MTHFSD: variants seen among roughly 807,000 people sequenced by gnomAD.
MTHFSD encodes the protein methenyltetrahydrofolate synthase domain-containing protein.
In MTHFSD, 37 loss-of-function variants were observed where a neutral mutation model predicts 31.1. That is an observed-to-expected ratio of 1.19 (90% CI 0.91 to 1.56). MTHFSD has a LOEUF of 1.56. MTHFSD is among the 40% of genes most tolerant of loss of function. The pLI is 0.00. For synonymous variants in MTHFSD, 221 were observed against 206.9 expected, an observed-to-expected ratio of 1.07 and a Z score of -0.59; for missense variants, 664 against 510.1, an observed-to-expected ratio of 1.30 and a Z score of -2.91.
intron 7 of MTHFSD, among the ~76,000 whole-genome samples, chr16:86,538,529 G>C (rs957255593): frequency 1.3e-5 from 2 of 152,234 alleles, no homozygotes; most frequent in South Asian, 4.1e-4. Context: ...GCACTGGTCA[G>C]TGGCCAGGGC....
In MTHFSD at chr16:86,535,498, T is replaced by C. The variant is rs982082092; in HGVS notation, c.682-3017A>G. ...TTTCCTGGCTGGCAATGAGGAATAGTTGTTACATTCTGTCAATCTGGCATG... is the reference window on the plus strand; with the variant it reads ...TTTCCTGGCTGGCAATGAGGAATAGCTGTTACATTCTGTCAATCTGGCATG... On this transcript the variant is annotated intron_variant, in intron 7 of 7. Transcript: ENST00000360900. The C allele has an allele frequency of 3.0e-6, 3 of 985,288 alleles. No individual in the cohort carries two copies. In the East Asian group the frequency reaches 3.4e-4, roughly 112 times the overall value. The allele number at this position is 985,288 out of a possible 1,614,324, so 61.0% of individuals were successfully genotyped here. A position where few individuals can be genotyped will look rare whatever the true frequency, so the allele number is the denominator to read the frequency against.
chr16:86,543,061 T>G (rs936802377), intron 5 of MTHFSD, among the ~76,000 whole-genome samples: 7 of 152,162 alleles, frequency 4.6e-5, no homozygotes, highest in Non-Finnish European at 7.4e-5. Context: ...CAACTGTGCA[T>G]GCAGAGAAAC....
In MTHFSD at chr16:86,531,477, C is replaced by G. The variant is rs1161564927; in HGVS notation, c.*534G>C. ...GGACTGATCTGAGCTGCAGTGAGCA[C>G]TTTTTACCCAGGGGCTGAGCTTCCT... On this transcript the variant is annotated 3_prime_UTR_variant, in exon 8 of 8. Coordinates refer to ENST00000360900, the MANE Select transcript of MTHFSD (RefSeq NM_001159377.2). The surrounding 1 kb of genome is among the most constrained non-coding windows in gnomAD (Gnocchi z 5.5). 6.6e-6 allele frequency: 1 copy of G among 152,256 alleles called. No individual in the cohort carries two copies. Among genetic ancestry groups the G allele is most frequent in the African/African-American group, 2.4e-5 (1 of 41,440 alleles). The allele number at this position is 152,256 out of a possible 1,614,324, so 9.4% of individuals were successfully genotyped here. A position where few individuals can be genotyped will look rare whatever the true frequency, so the allele number is the denominator to read the frequency against.
intron 4 of MTHFSD, 41 bp from the exon 5 acceptor site, chr16:86,546,690 T>C (rs762148950): frequency 2.6e-6 from 4 of 1,512,836 alleles, no homozygotes; most frequent in Non-Finnish European, 3.7e-6. Flanking sequence ...CAACTCCAGC[T>C]GCTTCCTCAT....
At chr16:86,540,378 G>C (rs1363120040) in intron 7 of MTHFSD, among the ~76,000 whole-genome samples, 1 of 152,192 alleles carries the variant, frequency 6.6e-6, no homozygotes, top group South Asian at 2.1e-4. Flanking sequence ...TTGCTTTTCT[G>C]TAGGAGGATA....
chr16:86,549,351 G>A (rs545244888), intron 3 of MTHFSD, among the ~76,000 whole-genome samples: 2 of 152,366 alleles, frequency 1.3e-5, no homozygotes, highest in East Asian at 3.9e-4. Flanking sequence ...TAAGATCTGT[G>A]AAATCTTTCA....
At chr16:86,547,390 G>A in intron 4 of MTHFSD, 3 of 985,712 alleles carry the variant, frequency 3.0e-6, no homozygotes, top group South Asian at 4.7e-5. Flanking sequence ...CTGATCATTC[G>A]ATGTGGCGGT....
chr16:86,554,532 A>C, intron 2 of MTHFSD, 113 bp downstream of exon 2: 1 of 847,042 alleles, frequency 1.2e-6, no homozygotes, highest in Non-Finnish European at 1.9e-6. Flanking sequence ...ACCACTGCTC[A>C]CTGCTCGCCA....
chr16:86,553,461 T>C (rs1376613520), intron 2 of MTHFSD: 3 of 152,562 alleles, frequency 2.0e-5, no homozygotes, highest in Non-Finnish European at 2.9e-5. Context: ...CTGCTGTGCA[T>C]GGTGCTTGTG....
intron 7 of MTHFSD, among the ~76,000 whole-genome samples, chr16:86,535,842 T>A (rs185524017): frequency 1.1e-4 from 17 of 152,316 alleles, no homozygotes; most frequent in African/African-American, 4.1e-4. Context: ...AGGATGATCT[T>A]TGAATCCCCC....
intron 1 of MTHFSD, 44 bp from the exon 2 acceptor site, chr16:86,554,795 A>G: frequency 3.2e-6 from 5 of 1,538,508 alleles, no homozygotes; most frequent in South Asian, 2.2e-5. Context: ...AAGGAATTCC[A>G]GAGCCCATGC....
rs1313656279 is a variant in MTHFSD, at chr16:86,548,064, G to A, written c.351+400C>T. ...AACTGGTGAGGCAATTTCCAATGGA[G>A]CATGTTTTGGAAATTCTATCCTGTC... On this transcript the variant is annotated intron_variant, in intron 4 of 7. Transcript: ENST00000360900. 3.1e-6 allele frequency: 4 copies of A among 1,290,380 alleles called. No individual in the cohort carries two copies. In the African/African-American group the frequency reaches 6.1e-5, roughly 20 times the overall value. 79.9% of individuals were successfully genotyped at this position (1,290,380 alleles called of 1,614,324 possible).
At chr16:86,547,975 T>C in intron 4 of MTHFSD, 1 of 1,178,774 alleles carries the variant, frequency 8.5e-7, no homozygotes, top group Non-Finnish European at 1.1e-6. Flanking sequence ...ACACTTGGTT[T>C]TACTAAATTG....
In MTHFSD at chr16:86,542,703, G is replaced by C. The variant is rs193122262; in HGVS notation, c.443-490C>G. Reference sequence around the variant, plus strand: ...ACTGAATACTCACCACTAGATACCAGGTCCTGAGGGACGGTTTAAGCAGTA... The same window carrying C: ...ACTGAATACTCACCACTAGATACCACGTCCTGAGGGACGGTTTAAGCAGTA... On this transcript the variant is annotated intron_variant, in intron 5 of 7. Coordinates refer to ENST00000360900, the MANE Select transcript of MTHFSD (RefSeq NM_001159377.2). The surrounding 1 kb of genome is among the most constrained non-coding windows in gnomAD (Gnocchi z 4.6). Among the ~76,000 whole-genome samples the C allele has an allele frequency of 2.3e-3, 357 of 152,306 alleles. 1 individual carries two copies. Among genetic ancestry groups the C allele is most frequent in the Middle Eastern group, 0.014 (4 of 292 alleles).
chr16:86,532,135 C>A lies in MTHFSD; in HGVS notation c.1028G>T (p.Arg343Leu). 1 of 1,555,076 alleles carries A rather than the reference C, an allele frequency of 6.4e-7. No homozygotes were observed. Among genetic ancestry groups the A allele is most frequent in the South Asian group, 1.2e-5 (1 of 82,830 alleles). The change falls in exon 8 of 8, where the codon CGC becomes CTC. Residue 343 changes from arginine (R) to leucine (L), a missense_variant. Coordinates refer to ENST00000360900, the MANE Select transcript of MTHFSD (RefSeq NM_001159377.2). ...PLRLTWQGPRRRAFLHYPDSA... is the reference protein window; with the variant it reads ...PLRLTWQGPRLRAFLHYPDSA... ...GTCCGGGTAATGGAGGAAGGCTCTG[C>A]GCCGCGGGCCCTGCCAGGTGAGCCG... is the stretch of plus-strand genomic sequence containing the variant.
intron 4 of MTHFSD, chr16:86,547,979 T>C (rs1972576018): frequency 3.3e-6 from 4 of 1,201,318 alleles, no homozygotes; most frequent in Non-Finnish European, 4.4e-6. Context: ...TTGGTTTTAC[T>C]AAATTGTGAG....
chr16:86,534,581 T>G (rs1217505801), intron 7 of MTHFSD, among the ~76,000 whole-genome samples: 4 of 152,246 alleles, frequency 2.6e-5, no homozygotes, highest in African/African-American at 9.6e-5. Context: ...CAGGCTTTTG[T>G]GTTTTTTTTG....
rs764176771 is a variant in MTHFSD at position 86,548,561 on chromosome 16, A to G, written c.254T>C (p.Leu85Ser). The part of the protein sequence containing the change: ...LLVLQSKKTL[L>S]VPTPRLRTGL... ...CGTTCTCAGTCGTGGTGTTGGAACC[A>G]ACAATGTTTTTTTGCTCTTTTAAAG... The change falls in exon 4 of 8, where the codon TTG becomes TCG. Residue 85 changes from leucine to serine, a missense_variant. Transcript: ENST00000360900. 1 of 1,611,112 alleles carries G rather than the reference A, an allele frequency of 6.2e-7. No individual in the cohort carries two copies. Among genetic ancestry groups the G allele is most frequent in the Non-Finnish European group, 8.5e-7 (1 of 1,179,226 alleles).
chr16:86,540,645 T>G (rs1971369063), intron 7 of MTHFSD: 1 of 984,008 alleles, frequency 1.0e-6, no homozygotes, highest in Admixed American at 5.9e-5. Context: ...ATGCTCTGTC[T>G]CGTGCATTGG....
Sources: gnomAD v4.1 joint callset for allele counts (sites outside exome capture counted in the v4.1 genomes callset) on GRCh38, gnomAD v4.1.1 for gene constraint, Gnocchi (gnomAD v3.1) non-coding constraint, MANE v1.5 for transcripts, NCBI Gene and HGNC (gene_info 2026-07-23, HGNC 2026-07-21) for gene names.